Variants in ARPP21 observed in about 807,000 individuals in gnomAD.
The protein encoded by ARPP21 is cAMP-regulated phosphoprotein 21.
A neutral mutation model predicts 113.2 loss-of-function variants in ARPP21; 69 were observed. The ratio of observed to expected loss-of-function variants is 0.61; its 90% CI spans 0.50 to 0.74. ARPP21 has a LOEUF of 0.74. Ranked by LOEUF, ARPP21 falls within the 30% of genes least tolerant of loss-of-function variation. ARPP21 has a pLI of 0.00. For missense variants in ARPP21, 1,070 were observed against 1,037.4 expected (o/e 1.03, Z -0.43); for synonymous variants, 368 against 375.5 (o/e 0.98, Z 0.23).
intron 9 of ARPP21, among the ~76,000 whole-genome samples, chr3:35,701,593 C>A (rs1559670199): frequency 1.3e-5 from 2 of 151,604 alleles, no homozygotes; most frequent in Non-Finnish European, 3.0e-5. Flanking sequence ...CTTATCCTTG[C>A]AATCTTTCTC....
chr3:35,741,324 C>T (rs1375266085), intron 18 of ARPP21, among the ~76,000 whole-genome samples: 2 of 152,118 alleles, frequency 1.3e-5, no homozygotes, highest in Non-Finnish European at 2.9e-5. Flanking sequence ...TCAGTCTAGA[C>T]ATTTATGAAC....
intron 19 of ARPP21, among the ~76,000 whole-genome samples, chr3:35,760,896 G>C (rs1014282903): frequency 6.6e-6 from 1 of 152,048 alleles, no homozygotes; most frequent in South Asian, 2.1e-4. Context: ...ATTTCTGAGG[G>C]CTGGGCACCA....
chr3:35,705,549 G>A (rs1416314526), intron 9 of ARPP21, among the ~76,000 whole-genome samples: 1 of 152,014 alleles, frequency 6.6e-6, no homozygotes, highest in Admixed American at 6.6e-5. Flanking sequence ...GAGGTTTGAG[G>A]GCCTTCAGCC....
chr3:35,737,398 C>T, intron 16 of ARPP21, 36 bp downstream of exon 16: 1 of 1,476,172 alleles, frequency 6.8e-7, no homozygotes, highest in African/African-American at 1.4e-5. Context: ...AAGGGAAGTA[C>T]CCTGAGATGA....
intron 1 of ARPP21, among the ~76,000 whole-genome samples, chr3:35,669,042 C>A (rs374571566): frequency 5.9e-5 from 9 of 152,122 alleles, no homozygotes; most frequent in Admixed American, 4.6e-4. Flanking sequence ...TTGCTGCAGC[C>A]TTCATCATAT....
chr3:35,744,651 C>A, intron 19 of ARPP21: 1 of 332,094 alleles, frequency 3.0e-6, no homozygotes, highest in Non-Finnish European at 6.3e-6. Flanking sequence ...GTCATTCCTG[C>A]TGACCAAACT....
chr3:35,648,750 G>C (rs1701238867), intron 1 of ARPP21, among the ~76,000 whole-genome samples: 1 of 152,128 alleles, frequency 6.6e-6, no homozygotes, highest in Non-Finnish European at 1.5e-5. Flanking sequence ...AGGAGAAGGT[G>C]AGTTATACAA....
intron 1 of ARPP21, among the ~76,000 whole-genome samples, chr3:35,649,810 A>C (rs1487864991): frequency 1.3e-5 from 2 of 152,158 alleles, no homozygotes; most frequent in Non-Finnish European, 2.9e-5. Flanking sequence ...ACCAGAGTTA[A>C]ATAGAAAATC....
intron 9 of ARPP21, among the ~76,000 whole-genome samples, chr3:35,697,370 C>T (rs1334531493): frequency 6.6e-6 from 1 of 151,512 alleles, no homozygotes; most frequent in Non-Finnish European, 1.5e-5. Context: ...ATCCAGTGAT[C>T]CTGAGAAGTG....
intron 1 of ARPP21, among the ~76,000 whole-genome samples, chr3:35,651,326 G>A (rs1218755923): frequency 6.6e-6 from 1 of 152,044 alleles, no homozygotes; most frequent in Non-Finnish European, 1.5e-5. Context: ...TACTGAGAAA[G>A]AACCTACTTT....
rs192007843 is a variant in ARPP21, at chr3:35,747,563, C to A, written c.2137+3598C>A. Among the ~76,000 whole-genome samples, 357 of 152,174 alleles carry A rather than the reference C, an allele frequency of 2.3e-3. 1 individual carries two copies. The highest frequency in any genetic ancestry group is 8.2e-3 in the African/African-American group (340 of 41,532). ...CCTCCAATAGTGGGGAGATGGTTTT[C>A]TTTCTGAGGGAATTATTGATAGCCC... On this transcript the variant is annotated intron_variant, in intron 19 of 20. Transcript: ENST00000684406.
rs1484384443 is a variant in ARPP21 at position 35,794,425 on chromosome 3, G to A, written c.*467G>A. 6.4e-6 allele frequency: 1 copy of A among 157,044 alleles called. No homozygotes were observed. Among genetic ancestry groups the A allele is most frequent in the Non-Finnish European group, 1.4e-5 (1 of 70,692 alleles). The allele number at this position is 157,044 out of a possible 1,614,324, so 9.7% of individuals were successfully genotyped here. A position where few individuals can be genotyped will look rare whatever the true frequency, so the allele number is the denominator to read the frequency against. ...TTTTTTAATGGATATATACTGTATT[G>A]TAGTGTTTAATCAAAATAAAACTAT... On this transcript the variant is annotated 3_prime_UTR_variant, in exon 21 of 21. Transcript: ENST00000684406.
intron 19 of ARPP21, among the ~76,000 whole-genome samples, chr3:35,790,995 T>C (rs1463774665): frequency 6.6e-6 from 1 of 152,188 alleles, no homozygotes; most frequent in Non-Finnish European, 1.5e-5. Context: ...AAGCTTGCTC[T>C]CCAATTCTCC....
intron 1 of ARPP21, among the ~76,000 whole-genome samples, chr3:35,656,957 C>A (rs1705248311): frequency 6.6e-5 from 10 of 151,912 alleles, no homozygotes; most frequent in Admixed American, 6.6e-4. Context: ...AAGATATGAT[C>A]TCTATGAGAA....
At chr3:35,728,532 T>C (rs1364325322) in intron 14 of ARPP21, among the ~76,000 whole-genome samples, 3 of 151,844 alleles carry the variant, frequency 2.0e-5, no homozygotes, top group Non-Finnish European at 4.4e-5. Context: ...CTTTTTTTTT[T>C]TTTTTTAAAT....
chr3:35,720,959 G>A (rs970701758), intron 13 of ARPP21, among the ~76,000 whole-genome samples: 3 of 152,104 alleles, frequency 2.0e-5, no homozygotes, highest in East Asian at 1.9e-4. Context: ...GTTTTTCTAC[G>A]TGAAAATAAT....
At chr3:35,667,946 GAA>G (rs59907935) in intron 1 of ARPP21, among the ~76,000 whole-genome samples, 3 of 115,160 alleles carry the variant, frequency 2.6e-5, no homozygotes, top group East Asian at 2.5e-4. Flanking sequence ...AGGAGAAGAA[GAA>G]AAGAAGAAGA....
chr3:35,750,761 T>G (rs2095373326), intron 19 of ARPP21, among the ~76,000 whole-genome samples: 1 of 152,158 alleles, frequency 6.6e-6, no homozygotes. Context: ...GAGGAGGGAC[T>G]TGGTTTTTCA....
intron 11 of ARPP21, among the ~76,000 whole-genome samples, chr3:35,712,061 A>G (rs1164299899): frequency 1.3e-5 from 2 of 152,212 alleles, no homozygotes; most frequent in Admixed American, 1.3e-4. Flanking sequence ...TGACACAAAC[A>G]TAAAGGCAGC....
Sources: gnomAD v4.1 joint callset for allele counts (sites outside exome capture counted in the v4.1 genomes callset) on GRCh38, gnomAD v4.1.1 for gene constraint, MANE v1.5 for transcripts, NCBI Gene and HGNC (gene_info 2026-07-23, HGNC 2026-07-21) for gene names.